Variants in CD5L observed in about 807,000 individuals in gnomAD.
CD5L encodes the protein CD5 molecule like, also known as CD5 antigen-like.
A neutral mutation model predicts 40.8 loss-of-function variants in CD5L; 39 were observed. That is an observed-to-expected ratio of 0.96 (90% CI 0.74 to 1.25). CD5L has a LOEUF of 1.25. Among genes scored for constraint, CD5L ranks in the 50% most tolerant of loss-of-function variants. The pLI is 0.00. For missense variants in CD5L, 433 were observed against 435.9 expected (o/e 0.99, Z 0.06); for synonymous variants, 192 against 169.6 (o/e 1.13, Z -1.03).
intron 3 of CD5L, 48 bp from the exon 4 acceptor site, chr1:157,834,796 C>A (rs1656155149): frequency 6.6e-7 from 1 of 1,507,258 alleles, no homozygotes; most frequent in African/African-American, 1.4e-5. Flanking sequence ...AGAACATGGT[C>A]TTCTCAGTAA....
chr1:157,828,170 A>G (rs1655954061), downstream of CD5L, among the ~76,000 whole-genome samples: 1 of 152,160 alleles, frequency 6.6e-6, no homozygotes, highest in Non-Finnish European at 1.5e-5. Context: ...TGAGTCTCAT[A>G]TCCTTGCAAT....
intron 4 of CD5L, among the ~76,000 whole-genome samples, chr1:157,834,147 T>A (rs1335755825): frequency 6.6e-6 from 1 of 152,218 alleles, no homozygotes; most frequent in African/African-American, 2.4e-5. Flanking sequence ...CATAAAAAGA[T>A]GTACCTTGTT....
chr1:157,838,974 AATGCATTTCT>A (rs1444634402), intron 2 of CD5L, among the ~76,000 whole-genome samples: 2 of 152,224 alleles, frequency 1.3e-5, no homozygotes, highest in Non-Finnish European at 2.9e-5. Flanking sequence ...TGCAAGCAAC[AATGCATTTCT>A]AATTCAAACA....
intron 3 of CD5L, among the ~76,000 whole-genome samples, chr1:157,835,119 A>G: frequency 6.6e-6 from 1 of 152,242 alleles, no homozygotes; most frequent in East Asian, 1.9e-4. Flanking sequence ...TATGAACTAA[A>G]TATCTCAGAT....
In CD5L at chr1:157,839,305, C is replaced by A. The variant is rs1285560464; in HGVS notation, c.55+79G>T. 4 of 1,375,482 alleles carry A rather than the reference C, an allele frequency of 2.9e-6. No individual in the cohort carries two copies. In the Admixed American group the frequency reaches 6.8e-5, roughly 23 times the overall value. 85.2% of individuals were successfully genotyped at this position (1,375,482 alleles called of 1,614,324 possible). On this transcript the variant is annotated intron_variant, in intron 2 of 5. Transcript: ENST00000368174. ...CTGGGCCTGTTTTGAACAAGTCTTT[C>A]TCTGTGGCTCAAGAAGCTTCAAAAT...
chr1:157,834,600 C>T lies in CD5L; in HGVS notation c.525G>A (p.Val175=), dbSNP rs757538582. The T allele has an allele frequency of 6.2e-7, 1 of 1,614,196 alleles. No individual in the cohort carries two copies. The highest frequency in any genetic ancestry group is 8.5e-7 in the Non-Finnish European group (1 of 1,180,046). The change falls in exon 4 of 6, where the codon GTG becomes GTA. Residue 175 remains valine, a synonymous_variant. Coordinates refer to ENST00000368174, the MANE Select transcript of CD5L (RefSeq NM_005894.3). ...CCCTCCCACATCCCAGCTGCCGGCA[C>T]ACCACCTTTGCGGCCCGGAGGCTCC... ...TGWSLRAAKV[V]CRQLGCGRAV... is the part of the protein sequence containing the mutation.
In CD5L at chr1:157,833,523, G is replaced by C. The variant is rs545207820; in HGVS notation, c.719-11C>G. The C allele has an allele frequency of 1.5e-5, 24 of 1,591,716 alleles. No homozygotes were observed. The highest frequency in any genetic ancestry group is 8.1e-5 in the African/African-American group (6 of 74,508). On this transcript the variant is annotated splice_polypyrimidine_tract_variant and intron_variant, in intron 4 of 5. Coordinates refer to ENST00000368174, the MANE Select transcript of CD5L (RefSeq NM_005894.3). ...TCAAGTCAAAGGGATCTGCAGGATG[G>C]GGGAGGAAGTCAGGGGTTGGAGACA...
chr1:157,828,986 T>A (rs924618053), downstream of CD5L, among the ~76,000 whole-genome samples: 1 of 152,164 alleles, frequency 6.6e-6, no homozygotes, highest in African/African-American at 2.4e-5. Flanking sequence ...CACATGGAGA[T>A]CTAATAGGCA....
Position 157,831,034 on chromosome 1 carries a change from T to G in CD5L, c.*930A>C. ...AATTTTTACAATCAAGTCTTGATTC[T>G]CTTATTTCTGTCTTGCCTCAAGCTT... On this transcript the variant is annotated 3_prime_UTR_variant, in exon 6 of 6. Transcript: ENST00000368174. 1.0e-6 allele frequency: 1 copy of G among 985,340 alleles called. No individual in the cohort carries two copies. The highest frequency in any genetic ancestry group is 1.2e-6 in the Non-Finnish European group (1 of 829,858). 61.0% of individuals were successfully genotyped at this position (985,340 alleles called of 1,614,324 possible).
chr1:157,839,204 C>T (rs761310314), intron 2 of CD5L, among the ~76,000 whole-genome samples, 180 bp downstream of exon 2: 1 of 152,180 alleles, frequency 6.6e-6, no homozygotes, highest in African/African-American at 2.4e-5. Flanking sequence ...CCACCCAAAC[C>T]CTTCTAAATT....
At chr1:157,840,504 A>G (rs1656340576) in intron 1 of CD5L, among the ~76,000 whole-genome samples, 1 of 152,226 alleles carries the variant, frequency 6.6e-6, no homozygotes. Flanking sequence ...CTTGGTTTCC[A>G]AATAACCTCT....
chr1:157,833,115 A>C, intron 5 of CD5L, 77 bp downstream of exon 5: 2 of 1,155,486 alleles, frequency 1.7e-6, no homozygotes, highest in Non-Finnish European at 2.5e-6. Flanking sequence ...CCTTTTCCCC[A>C]GAGTACACCC....
At chr1:157,832,844 G>GCAATT (rs1194550800) in intron 5 of CD5L, among the ~76,000 whole-genome samples, 1 of 152,152 alleles carries the variant, frequency 6.6e-6, no homozygotes, top group Non-Finnish European at 1.5e-5. Flanking sequence ...GCTTTTGAAG[G>GCAATT]TTGCTTATTT....
At chr1:157,841,029 C>T (rs759554223) in intron 1 of CD5L, among the ~76,000 whole-genome samples, 20 of 151,778 alleles carry the variant, frequency 1.3e-4, no homozygotes, top group Non-Finnish European at 2.5e-4. Context: ...TATTAGTTAT[C>T]TTATAAAAAA....
At position 157,833,253 on chromosome 1, in the gene CD5L, C is replaced by T; in HGVS notation, c.978G>A (p.Gln326=). Residue 326 remains glutamine (Q), a synonymous_variant, in exon 5 of 6, where the codon CAG becomes CAA. Transcript: ENST00000368174. ...SGEEQSLEQC[Q]HRFWGFHDCT... ...AGTCGTGAAACCCCCAAAATCTGTG[C>T]TGGCACTGCTCCAGGGACTGCTCCT... is the stretch of plus-strand genomic sequence containing the variant. 2 of 1,614,166 alleles carry T rather than the reference C, an allele frequency of 1.2e-6. No homozygotes were observed. Among genetic ancestry groups the T allele is most frequent in the Non-Finnish European group, 1.7e-6 (2 of 1,180,028 alleles).
Position 157,833,442 on chromosome 1 carries a change from G to A in CD5L, c.789C>T (p.Gly263=), listed in dbSNP as rs540920793. The change falls in exon 5 of 6, where the codon GGC becomes GGT. Residue 263 remains glycine (G), a synonymous_variant. Coordinates refer to ENST00000368174, the MANE Select transcript of CD5L (RefSeq NM_005894.3). The part of the protein sequence containing the change: ...CSGRLEVLHK[G]VWGSVCDDNW... ...TGTCATCACAGACAGAGCCCCATAC[G>A]CCCTTGTGCAGCACCTCCAGTCGCC... 11 of 1,613,958 alleles carry A rather than the reference G, an allele frequency of 6.8e-6. No homozygotes were observed. The highest frequency in any genetic ancestry group is 4.0e-5 in the African/African-American group (3 of 74,890).
At chr1:157,836,518 A>T (rs550777763) in intron 2 of CD5L, among the ~76,000 whole-genome samples, 3 of 152,204 alleles carry the variant, frequency 2.0e-5, no homozygotes, top group African/African-American at 4.8e-5. Flanking sequence ...AGTCCACCCC[A>T]TTATTTCACA....
At chr1:157,833,888 G>A (rs1656119382) in intron 4 of CD5L, among the ~76,000 whole-genome samples, 1 of 151,356 alleles carries the variant, frequency 6.6e-6, no homozygotes, top group South Asian at 2.1e-4. Flanking sequence ...TGGTATTATA[G>A]GCATGAGCCA....
chr1:157,834,705 C>T lies in CD5L; in HGVS notation c.420G>A (p.Leu140=), dbSNP rs748855636. 14 of 1,614,094 alleles carry T rather than the reference C, an allele frequency of 8.7e-6. No homozygotes were observed. In the East Asian group the frequency reaches 2.9e-4, roughly 33 times the overall value. ...CCTTGCAATGCCCAGGGCCGTCAGC[C>T]AGCCTGACACCCTCTGGGACTGGGG... ...SFSPVPEGVR[L]ADGPGHCKGR... Residue 140 remains leucine (L), a synonymous_variant, in exon 4 of 6, where the codon CTG becomes CTA. Transcript: ENST00000368174.
Sources: allele counts gnomAD v4.1 joint callset (sites outside exome capture counted in the v4.1 genomes callset), GRCh38; gene constraint gnomAD v4.1.1; transcripts MANE v1.5; gene names NCBI Gene and HGNC (gene_info 2026-07-23, HGNC 2026-07-21).